Variants in GSTA5 observed in about 807,000 individuals in gnomAD.
GSTA5 encodes glutathione S-transferase alpha 5, also known as glutathione S-transferase A5.
GSTA5 carries 25 observed loss-of-function variants against 21.8 expected under a neutral mutation model. The ratio of observed to expected loss-of-function variants is 1.14; its 90% CI spans 0.83 to 1.60. The LOEUF is 1.60. Among genes scored for constraint, GSTA5 ranks in the 40% most tolerant of loss-of-function variants. The probability of loss-of-function intolerance (pLI) is 0.00; values close to 1 mark genes in which losing one functional copy is unlikely to be tolerated. For missense variants in GSTA5, 330 were observed against 259.2 expected (o/e 1.27, Z -1.88); for synonymous variants, 102 against 89.5 (o/e 1.14, Z -0.78).
chr6:52,837,173 C>T (rs1454908110), intron 2 of GSTA5, among the ~76,000 whole-genome samples: 2 of 152,192 alleles, frequency 1.3e-5, no homozygotes, highest in Admixed American at 1.3e-4. Context: ...AAAGAAAAAC[C>T]TCAAGGCAAT....
exon 6 of GSTA5, chr6:52,831,709 T>G (rs544860801): frequency 1.0e-6 from 1 of 1,003,762 alleles, no homozygotes; most frequent in Admixed American, 2.6e-5. Context: ...ATAAGAGTTA[T>G]TTATTATTTA....
intron 1 of GSTA5, among the ~76,000 whole-genome samples, chr6:52,839,076 G>A (rs147055622): frequency 0.012 from 1,849 of 152,276 alleles, 20 homozygotes; most frequent in Non-Finnish European, 0.018. Context: ...GGTCATGGGG[G>A]TGTGTGCCAG....
chr6:52,840,807 C>T lies in GSTA5; in HGVS notation c.7G>A (p.Glu3Lys), dbSNP rs779946363. ...TTGGAGTAGTGGAGCTTGGGCTTCT[C>T]TGCCATGATAGCAGTCTCCTGGAGG... Residue 3 changes from glutamate (E) to lysine (K), a missense_variant, in exon 1 of 6, where the codon GAG (glutamate) becomes AAG (lysine). Glu to Lys is a moderately conservative substitution (Grantham distance 56). Coordinates refer to ENST00000370989, the Ensembl canonical transcript of GSTA5. 3.1e-6 allele frequency: 5 copies of T among 1,613,890 alleles called. No homozygotes were observed. The East Asian group carries it at 8.9e-5, about 29-fold the overall frequency.
At chr6:52,840,092 T>C (rs1386597075) in intron 1 of GSTA5, among the ~76,000 whole-genome samples, 1 of 152,226 alleles carries the variant, frequency 6.6e-6, no homozygotes, top group African/African-American at 2.4e-5. Context: ...TAGTTTGCAT[T>C]TTACCTCTAA....
At chr6:52,840,419 T>C (rs1404679051) in intron 1 of GSTA5, among the ~76,000 whole-genome samples, 1 of 152,222 alleles carries the variant, frequency 6.6e-6, no homozygotes, top group African/African-American at 2.4e-5. Context: ...TTTCATGTCA[T>C]CAAATATTCA....
upstream of GSTA5, among the ~76,000 whole-genome samples, chr6:52,845,556 G>T (rs995340505): frequency 7.2e-5 from 11 of 152,122 alleles, no homozygotes; most frequent in Admixed American, 1.3e-4. Context: ...ATGACTTGTC[G>T]TCAAGCTAAT....
upstream of GSTA5, among the ~76,000 whole-genome samples, chr6:52,842,551 A>C (rs1764393461): frequency 5.3e-5 from 8 of 151,934 alleles, no homozygotes; most frequent in South Asian, 1.7e-3. Flanking sequence ...GATTACCAGC[A>C]CATGCCACCA....
chr6:52,834,196 T>G, exon 4 of GSTA5: 6 of 1,614,212 alleles, frequency 3.7e-6, no homozygotes, highest in South Asian at 2.2e-5. Flanking sequence ...CAAGGCAGTC[T>G]TGGCATCTCT....
At chr6:52,844,036 C>A (rs1240156291), upstream of GSTA5, among the ~76,000 whole-genome samples, 1 of 151,992 alleles carries the variant, frequency 6.6e-6, no homozygotes, top group Admixed American at 6.5e-5. Flanking sequence ...ATGGGTCACA[C>A]ACACATGCTC....
chr6:52,831,997 A>G (rs759607098), intron 5 of GSTA5, 27 bp from the exon 6 acceptor site: 4 of 1,596,450 alleles, frequency 2.5e-6, no homozygotes, highest in Non-Finnish European at 3.4e-6. Flanking sequence ...ACAGCCTCAG[A>G]GTGAAGCCAA....
chr6:52,831,703 G>A (rs1371846869), exon 6 of GSTA5: 1 of 954,506 alleles, frequency 1.0e-6, no homozygotes, highest in East Asian at 2.8e-5. Flanking sequence ...TGACAGATAA[G>A]AGTTATTTAT....
chr6:52,833,026 C>A (rs747120410), intron 4 of GSTA5, 36 bp from the exon 5 acceptor site: 15 of 1,612,846 alleles, frequency 9.3e-6, no homozygotes, highest in Non-Finnish European at 1.2e-5. Flanking sequence ...GGAACACATG[C>A]ACACCCAGGC....
chr6:52,832,765 G>C (rs1379296893), intron 5 of GSTA5, 94 bp downstream of exon 5: 11 of 1,579,372 alleles, frequency 7.0e-6, no homozygotes, highest in Non-Finnish European at 7.8e-6. Context: ...GCTGGAGAAG[G>C]GTGGGGTCAA....
chr6:52,834,182 T>C, exon 4 of GSTA5: 1 of 1,614,214 alleles, frequency 6.2e-7, no homozygotes, highest in African/African-American at 1.3e-5. Flanking sequence ...ATTTTCTCTT[T>C]GACCAAGGCA....
At chr6:52,836,366 C>T in exon 3 of GSTA5, 9 of 1,613,240 alleles carry the variant, frequency 5.6e-6, no homozygotes, top group Non-Finnish European at 7.6e-6. Context: ...AGCAAACTCC[C>T]ATCTTAGAAA....
chr6:52,836,281 G>C, exon 3 of GSTA5: 2 of 1,613,806 alleles, frequency 1.2e-6, no homozygotes, highest in South Asian at 1.1e-5. Context: ...GTATTTGCTG[G>C]CAATGTAGTT....
At chr6:52,841,934 T>A (rs573069010), upstream of GSTA5, among the ~76,000 whole-genome samples, 113 of 152,358 alleles carry the variant, frequency 7.4e-4, no homozygotes, top group Middle Eastern at 3.4e-3. Context: ...CAGTACTTTT[T>A]AAAATAAAAT....
intron 5 of GSTA5, 95 bp downstream of exon 5, chr6:52,832,763 AG>A (rs1764234432): frequency 2.2e-5 from 35 of 1,576,118 alleles, no homozygotes; most frequent in Non-Finnish European, 3.0e-5. Flanking sequence ...GGGCTGGAGA[AG>A]GGTGGGGTCA....
At chr6:52,834,873 G>C (rs1394689250) in intron 3 of GSTA5, among the ~76,000 whole-genome samples, 10 of 152,156 alleles carry the variant, frequency 6.6e-5, no homozygotes, top group African/African-American at 2.4e-4. Flanking sequence ...CTCTAGCCAT[G>C]TGTGCCTTTC....
Sources: gnomAD v4.1 joint callset for allele counts (sites outside exome capture counted in the v4.1 genomes callset) on GRCh38, gnomAD v4.1.1 for gene constraint, MANE v1.5 for transcripts, NCBI Gene and HGNC (gene_info 2026-07-23, HGNC 2026-07-21) for gene names.